The following GLIS3 variants were observed in gnomAD, a reference collection of about 807,000 sequenced individuals.
GLIS3 encodes the protein zinc finger protein GLIS3.
A neutral mutation model predicts 78.6 loss-of-function variants in GLIS3; 53 were observed. The ratio of observed to expected loss-of-function variants is 0.67; its 90% CI spans 0.54 to 0.85. The LOEUF is 0.85. GLIS3 is among the 40% of genes least tolerant of loss of function. The probability of loss-of-function intolerance (pLI) is 0.00; values close to 1 mark genes in which losing one functional copy is unlikely to be tolerated. For synonymous variants in GLIS3, 684 were observed against 509.9 expected, an observed-to-expected ratio of 1.34 and a Z score of -4.60; for missense variants, 1,703 against 1,231.1, an observed-to-expected ratio of 1.38 and a Z score of -5.74.
At chr9:4,339,096 C>T (rs565369675) in intron 2 of GLIS3, among the ~76,000 whole-genome samples, 2 of 152,302 alleles carry the variant, frequency 1.3e-5, no homozygotes, top group South Asian at 2.1e-4. Flanking sequence ...TACAACACTA[C>T]CTCGATATGT....
At chr9:4,310,888 C>G (rs1817341403) in intron 2 of GLIS3, among the ~76,000 whole-genome samples, 2 of 152,210 alleles carry the variant, frequency 1.3e-5, no homozygotes, top group South Asian at 4.1e-4. Flanking sequence ...TTTAGGGCAT[C>G]TAAATCACCC....
At chr9:3,842,838 A>G (rs889131007) in intron 9 of GLIS3, among the ~76,000 whole-genome samples, 1 of 152,264 alleles carries the variant, frequency 6.6e-6, no homozygotes, top group African/African-American at 2.4e-5. Flanking sequence ...AAACAACAAC[A>G]GAACGGCTCT....
At chr9:4,165,366 A>T (rs866133968) in intron 2 of GLIS3, among the ~76,000 whole-genome samples, 33 of 152,190 alleles carry the variant, frequency 2.2e-4, no homozygotes, top group African/African-American at 7.2e-4. Context: ...GCTTGAGCCC[A>T]GGAGGCGGAG....
chr9:4,277,498 C>A (rs1016065027), intron 2 of GLIS3, among the ~76,000 whole-genome samples: 2 of 152,136 alleles, frequency 1.3e-5, no homozygotes, highest in African/African-American at 4.8e-5. Context: ...CAAGAGACAC[C>A]AACCTTAAGT....
At chr9:4,167,232 T>C (rs536339901) in intron 2 of GLIS3, among the ~76,000 whole-genome samples, 12 of 151,844 alleles carry the variant, frequency 7.9e-5, no homozygotes, top group South Asian at 2.1e-4. Flanking sequence ...ACAGATTCCA[T>C]AGAAGTATGT....
At position 3,877,228 on chromosome 9, in the gene GLIS3, A is replaced by G. The variant is rs931636230; in HGVS notation, c.2297+2199T>C. Among the ~76,000 whole-genome samples the G allele has an allele frequency of 2.0e-5, 3 of 151,426 alleles. No homozygotes were observed. The South Asian group carries it at 6.3e-4, about 32-fold the overall frequency. ...GCTAATATCATTTAGAACCAAACAG[A>G]AAACTATATAAAATGCATTTTTTTA... On this transcript the variant is annotated intron_variant, in intron 8 of 10. Transcript: ENST00000381971.
At chr9:4,187,349 T>A (rs199756567) in intron 2 of GLIS3, among the ~76,000 whole-genome samples, 60 of 152,264 alleles carry the variant, frequency 3.9e-4, no homozygotes, top group African/African-American at 1.4e-3. Context: ...TGTTCCATTG[T>A]TCTATCTCTC....
intron 4 of GLIS3, among the ~76,000 whole-genome samples, chr9:3,961,637 CT>C (rs1475730637): frequency 1.3e-5 from 2 of 152,198 alleles, no homozygotes; most frequent in Non-Finnish European, 2.9e-5. Flanking sequence ...ACTTTGTGGG[CT>C]CTCCCATATT....
intron 6 of GLIS3, among the ~76,000 whole-genome samples, chr9:3,926,949 T>C (rs1825298816): frequency 6.6e-6 from 1 of 152,242 alleles, no homozygotes; most frequent in Non-Finnish European, 1.5e-5. Flanking sequence ...GTCATTTGAA[T>C]GTGTTCCCAC....
intron 7 of GLIS3, among the ~76,000 whole-genome samples, chr9:3,883,137 A>G (rs1208596236): frequency 5.3e-5 from 8 of 152,234 alleles, no homozygotes; most frequent in Non-Finnish European, 4.4e-5. Flanking sequence ...TGGCTTCAAC[A>G]GAATTGTCCT....
chr9:4,364,794 C>T, the GLIS3 span, among the ~76,000 whole-genome samples: 3,093 of 99,568 alleles, frequency 0.031, 159 homozygotes, highest in African/African-American at 0.11. Flanking sequence ...AGACAGGGTC[C>T]TGCTATGTTG....
intron 4 of GLIS3, among the ~76,000 whole-genome samples, chr9:4,031,894 T>C (rs1366842497): frequency 6.6e-6 from 1 of 152,228 alleles, no homozygotes. Flanking sequence ...AACCCGCATT[T>C]TTTCATGCCA....
At chr9:4,458,483 T>C in the GLIS3 span, among the ~76,000 whole-genome samples, 2 of 152,064 alleles carry the variant, frequency 1.3e-5, no homozygotes, top group African/African-American at 4.8e-5. Context: ...AAGTAGAGTG[T>C]GTTACTTTAT....
intron 2 of GLIS3, among the ~76,000 whole-genome samples, chr9:4,262,373 T>C (rs564088527): frequency 2.0e-5 from 3 of 152,098 alleles, no homozygotes; most frequent in Admixed American, 6.5e-5. Context: ...GGCATGGATT[T>C]GGGAAGGATG....
At chr9:4,459,926 C>T in the GLIS3 span, among the ~76,000 whole-genome samples, 28 of 152,336 alleles carry the variant, frequency 1.8e-4, no homozygotes, top group African/African-American at 6.3e-4. Context: ...CCCTAGATAT[C>T]ACCATGGTGG....
the GLIS3 span, among the ~76,000 whole-genome samples, chr9:4,463,852 C>T: frequency 1.3e-5 from 2 of 152,128 alleles, no homozygotes; most frequent in Non-Finnish European, 2.9e-5. Context: ...GGAGTGCAGG[C>T]AGTCATTGAT....
chr9:4,407,374 G>A, the GLIS3 span, among the ~76,000 whole-genome samples: 1 of 152,228 alleles, frequency 6.6e-6, no homozygotes, highest in African/African-American at 2.4e-5. Flanking sequence ...GACCGGGCAA[G>A]GTGGCTCACA....
Position 3,827,998 on chromosome 9 carries a change from G to C in GLIS3, c.*274C>G. On this transcript the variant is annotated 3_prime_UTR_variant, in exon 11 of 11. Coordinates refer to ENST00000381971, the MANE Select transcript of GLIS3 (RefSeq NM_001042413.2). ...AAGGGTTGACAGCCAGGAAGTAACAGGTATCCAGGAGAGTGAGGCTCTAAA... is the reference window on the plus strand; with the variant it reads ...AAGGGTTGACAGCCAGGAAGTAACACGTATCCAGGAGAGTGAGGCTCTAAA... 2.1e-6 allele frequency: 1 copy of C among 487,138 alleles called. No individual in the cohort carries two copies. The highest frequency in any genetic ancestry group is 3.8e-6 in the Non-Finnish European group (1 of 266,518). 30.2% of individuals were successfully genotyped at this position (487,138 alleles called of 1,614,324 possible).
chr9:4,479,695 G>A, the GLIS3 span, among the ~76,000 whole-genome samples: 3 of 152,124 alleles, frequency 2.0e-5, no homozygotes, highest in African/African-American at 7.2e-5. Flanking sequence ...TGGTGTTGGT[G>A]TGGTTGTGGC....
Sources: allele counts gnomAD v4.1 joint callset (sites outside exome capture counted in the v4.1 genomes callset), GRCh38; gene constraint gnomAD v4.1.1; transcripts MANE v1.5; gene names NCBI Gene and HGNC (gene_info 2026-07-23, HGNC 2026-07-21).